The following SEC61A2 variants were observed in gnomAD, a reference collection of about 807,000 sequenced individuals.
The protein encoded by SEC61A2 is protein transport protein Sec61 subunit alpha isoform 2.
A neutral mutation model predicts 59.9 loss-of-function variants in SEC61A2; 28 were observed. The observed-to-expected ratio is 0.47, with a 90% confidence interval of 0.35 to 0.64. SEC61A2 has a LOEUF of 0.64. SEC61A2 is among the 30% of genes least tolerant of loss of function. The pLI is 0.01. For synonymous variants in SEC61A2, 202 were observed against 214.4 expected (o/e 0.94, Z 0.50); for missense variants, 340 against 585.9 (o/e 0.58, Z 4.33).
Position 12,153,618 on chromosome 10 carries a change from T to G in SEC61A2, c.463-2160T>G. ...AGTGAAGTGGATGTACACTGATTCA[T>G]TTACATGAATTCTGATACACAAATA... On this transcript the variant is annotated intron_variant, in intron 6 of 11. Transcript: ENST00000298428. This position sits in a 1 kb window ranked among gnomAD's most constrained non-coding sequence, Gnocchi z 5.2. 1.8e-6 allele frequency: 2 copies of G among 1,112,004 alleles called. No individual in the cohort carries two copies. The highest frequency in any genetic ancestry group is 2.5e-6 in the Non-Finnish European group (2 of 793,594). 68.9% of individuals were successfully genotyped at this position (1,112,004 alleles called of 1,614,324 possible).
rs766666050 is a variant in SEC61A2, at chr10:12,155,936, A to C, written c.616+5A>C. ...CTACCATTAACACTGGCAGAGGTAC[A>C]TCGCACAGCGACTGCAACTGCACGC... is the stretch of plus-strand genomic sequence containing the variant. On this transcript the variant is annotated splice_donor_5th_base_variant and intron_variant, in intron 7 of 11. Transcript: ENST00000298428. This position sits in a 1 kb window ranked among gnomAD's most constrained non-coding sequence, Gnocchi z 4.3. 25 of 1,614,192 alleles carry C rather than the reference A, an allele frequency of 1.5e-5. No individual in the cohort carries two copies. The highest frequency in any genetic ancestry group is 2.0e-5 in the Non-Finnish European group (24 of 1,180,010).
intron 8 of SEC61A2, 108 bp from the exon 9 acceptor site, chr10:12,157,800 C>T (rs1042566016): frequency 1.1e-5 from 11 of 1,034,460 alleles, no homozygotes; most frequent in African/African-American, 9.6e-5. Context: ...TGTGCCCGGC[C>T]GGCATTGTCT....
rs199959870 is a variant in SEC61A2, at chr10:12,149,546, T to C, written c.221-49T>C. 1.6e-5 allele frequency: 25 copies of C among 1,529,318 alleles called. No individual in the cohort carries two copies. In the Admixed American group the frequency reaches 5.2e-4, roughly 32 times the overall value. The allele number at this position is 1,529,318 out of a possible 1,614,324, so 94.7% of individuals were successfully genotyped here. Reference sequence around the variant, plus strand: ...GGAGTGCGACACCTCTAAATCAGTTTGTATCGTGTACAGCAAACATTGCAC... The same window carrying C: ...GGAGTGCGACACCTCTAAATCAGTTCGTATCGTGTACAGCAAACATTGCAC... On this transcript the variant is annotated intron_variant, in intron 4 of 11. Coordinates refer to ENST00000298428, the MANE Select transcript of SEC61A2 (RefSeq NM_018144.4). The surrounding 1 kb of genome is among the most constrained non-coding windows in gnomAD (Gnocchi z 5.2).
chr10:12,168,560 T>C (rs1248387535), downstream of SEC61A2, among the ~76,000 whole-genome samples: 1 of 152,144 alleles, frequency 6.6e-6, no homozygotes, highest in Non-Finnish European at 1.5e-5. The surrounding 1 kb of genome is among the most constrained non-coding windows in gnomAD (Gnocchi z 4.8). Flanking sequence ...CTCAGGACCT[T>C]ATTACCACAG....
chr10:12,157,476 C>T (rs1834425147), intron 8 of SEC61A2, among the ~76,000 whole-genome samples: 2 of 149,408 alleles, frequency 1.3e-5, no homozygotes, highest in Non-Finnish European at 1.5e-5. Context: ...GCTGAGATGA[C>T]AGGCACGTGC....
In SEC61A2 at chr10:12,155,470, TCA is replaced by T; in HGVS notation, c.463-307_463-306del. The T allele has an allele frequency of 1.1e-6, 1 of 916,528 alleles. No homozygotes were observed. The highest frequency in any genetic ancestry group is 2.9e-4 in the Middle Eastern group (1 of 3,446). 56.8% of individuals were successfully genotyped at this position (916,528 alleles called of 1,614,324 possible). On this transcript the variant is annotated intron_variant, in intron 6 of 11. Transcript: ENST00000298428. The surrounding 1 kb of genome is among the most constrained non-coding windows in gnomAD (Gnocchi z 4.3). ...TAGAATACTGTGATCATTTTTTGTTTCAGTGTGCTTTTCAAACAGGCTTTATT... is the reference window on the plus strand; with the variant it reads ...TAGAATACTGTGATCATTTTTTGTTTGTGTGCTTTTCAAACAGGCTTTATT...
At chr10:12,167,905 T>G (rs1834746014), downstream of SEC61A2, 1 of 1,552,302 alleles carries the variant, frequency 6.4e-7, no homozygotes, top group African/African-American at 1.4e-5. Flanking sequence ...TACTACTATA[T>G]GTCACTTCCT....
chr10:12,139,055 G>A (rs555686437), intron 3 of SEC61A2, among the ~76,000 whole-genome samples: 60 of 152,218 alleles, frequency 3.9e-4, no homozygotes, highest in Non-Finnish European at 5.6e-4. Context: ...TCCGCCTCCC[G>A]GGTTCAAGCG....
downstream of SEC61A2, among the ~76,000 whole-genome samples, chr10:12,168,740 T>C (rs980196938): frequency 2.0e-5 from 3 of 152,282 alleles, no homozygotes; most frequent in East Asian, 1.9e-4. The surrounding 1 kb of genome is among the most constrained non-coding windows in gnomAD (Gnocchi z 4.8). Context: ...TGCTACTCTT[T>C]GTAGCAAACT....
In SEC61A2 at chr10:12,164,335, C is replaced by T. The variant is rs761194978; in HGVS notation, c.1312C>T (p.Leu438=). 1.2e-6 allele frequency: 2 copies of T among 1,614,068 alleles called. No homozygotes were observed. The highest frequency in any genetic ancestry group is 1.7e-6 in the Non-Finnish European group (2 of 1,180,010). ...IGALSVLADF[L]GAIGSGTGIL... ...CGCCCTGTCAGTGCTGGCTGACTTC[C>T]TGGGGGCCATTGGATCTGGCACTGG... Residue 438 remains leucine (L), a synonymous_variant, in exon 12 of 12, where the codon CTG becomes TTG. Transcript: ENST00000298428. The surrounding 1 kb of genome is among the most constrained non-coding windows in gnomAD (Gnocchi z 7.3).
Position 12,135,909 on chromosome 10 carries a change from G to A in SEC61A2, c.76-196G>A, listed in dbSNP as rs937119013. Among the ~76,000 whole-genome samples, 4 of 152,314 alleles carry A rather than the reference G, an allele frequency of 2.6e-5. No homozygotes were observed. In the East Asian group the frequency reaches 7.7e-4, roughly 29 times the overall value. On this transcript the variant is annotated intron_variant, in intron 2 of 11. Transcript: ENST00000298428. ...TGTCTGTATATATGTGTGCGTGTGT[G>A]TATATGTATGAGAGAGAAAAAAATG... is the stretch of plus-strand genomic sequence containing the variant.
chr10:12,129,681 G>GGCCGGTAGGATCGCGTCGGGA lies in SEC61A2; in HGVS notation c.-99_-79dup, dbSNP rs1407607287. On this transcript the variant is annotated 5_prime_UTR_variant, in exon 1 of 12. Coordinates refer to ENST00000298428, the MANE Select transcript of SEC61A2 (RefSeq NM_018144.4). The surrounding 1 kb of genome is among the most constrained non-coding windows in gnomAD (Gnocchi z 5.6). ...GCGGGGTTGGGCGGAGCCTGCGCGGGGCCGGTAGGATCGCGTCGGGAGCCG... is the reference window on the plus strand; with the variant it reads ...GCGGGGTTGGGCGGAGCCTGCGCGGGGCCGGTAGGATCGCGTCGGGAGCCGGTAGGATCGCGTCGGGAGCCG... 4.4e-6 allele frequency: 5 copies of GGCCGGTAGGATCGCGTCGGGA among 1,136,356 alleles called. No homozygotes were observed. In the South Asian group the frequency reaches 5.7e-5, roughly 13 times the overall value. The allele number at this position is 1,136,356 out of a possible 1,614,324, so 70.4% of individuals were successfully genotyped here. A position where few individuals can be genotyped will look rare whatever the true frequency, so the allele number is the denominator to read the frequency against.
chr10:12,132,428 C>A (rs1199412964), intron 1 of SEC61A2, among the ~76,000 whole-genome samples: 1 of 151,306 alleles, frequency 6.6e-6, no homozygotes, highest in African/African-American at 2.4e-5. Context: ...AGCTTGGCCA[C>A]CATGGTGAAA....
downstream of SEC61A2, chr10:12,169,393 G>GGGA (rs1423708290): frequency 8.5e-6 from 9 of 1,063,214 alleles, no homozygotes; most frequent in Non-Finnish European, 1.2e-5. This position sits in a 1 kb window ranked among gnomAD's most constrained non-coding sequence, Gnocchi z 4.8. Context: ...CCTCCTCAGA[G>GGGA]GGAGGGGCTG....
chr10:12,164,599 G>T lies in SEC61A2; in HGVS notation c.*145G>T. 2.1e-6 allele frequency: 3 copies of T among 1,445,866 alleles called. No homozygotes were observed. Among genetic ancestry groups the T allele is most frequent in the Non-Finnish European group, 1.8e-6 (2 of 1,105,468 alleles). The allele number at this position is 1,445,866 out of a possible 1,614,324, so 89.6% of individuals were successfully genotyped here. The stretch of plus-strand genomic sequence containing the variant: ...CTGACCCGTTTCTGAAATGGGCACC[G>T]AGCTAAGTCTGTGTGCAGCATTAGT... On this transcript the variant is annotated 3_prime_UTR_variant, in exon 12 of 12. Transcript: ENST00000298428. This position sits in a 1 kb window ranked among gnomAD's most constrained non-coding sequence, Gnocchi z 7.3.
In SEC61A2 at chr10:12,155,267, A is replaced by G; in HGVS notation, c.463-511A>G. 1 of 1,303,608 alleles carries G rather than the reference A, an allele frequency of 7.7e-7. No homozygotes were observed. The highest frequency in any genetic ancestry group is 1.0e-6 in the Non-Finnish European group (1 of 996,040). 80.8% of individuals were successfully genotyped at this position (1,303,608 alleles called of 1,614,324 possible). A position where few individuals can be genotyped will look rare whatever the true frequency, so the allele number is the denominator to read the frequency against. On this transcript the variant is annotated intron_variant, in intron 6 of 11. Transcript: ENST00000298428. This position sits in a 1 kb window ranked among gnomAD's most constrained non-coding sequence, Gnocchi z 4.3. ...TAGTTTTTTATTCTGTACACATTTT[A>G]TAGAGTATACATATATATAATATAT...
rs1834320152 is a variant in SEC61A2, at chr10:12,153,195, A to C, written c.463-2583A>C. On this transcript the variant is annotated intron_variant, in intron 6 of 11. Transcript: ENST00000298428. This position sits in a 1 kb window ranked among gnomAD's most constrained non-coding sequence, Gnocchi z 5.2. ...GGGAGAGATGATATTCTGGAGTCTG[A>C]TTTTAGTATCTTTCAGGGCTTAGGG... 6.6e-6 allele frequency among the ~76,000 whole-genome samples: 1 copy of C among 152,146 alleles called. No homozygotes were observed. Among genetic ancestry groups the C allele is most frequent in the Non-Finnish European group, 1.5e-5 (1 of 68,010 alleles).
intron 4 of SEC61A2, among the ~76,000 whole-genome samples, chr10:12,147,617 G>A (rs1834171603): frequency 6.6e-6 from 1 of 151,710 alleles, no homozygotes; most frequent in Non-Finnish European, 1.5e-5. Context: ...TCCAGGAGGT[G>A]GAGGTTGCAG....
At chr10:12,130,824 A>AG (rs1481175779) in intron 1 of SEC61A2, 2 of 153,064 alleles carry the variant, frequency 1.3e-5, no homozygotes, top group African/African-American at 4.8e-5. Flanking sequence ...CACCAACCTA[A>AG]TAGTACTTGG....
Sources: allele counts gnomAD v4.1 joint callset (sites outside exome capture counted in the v4.1 genomes callset), GRCh38; gene constraint gnomAD v4.1.1; non-coding constraint Gnocchi (gnomAD v3.1); transcripts MANE v1.5; gene names NCBI Gene and HGNC (gene_info 2026-07-23, HGNC 2026-07-21).